The following PLEKHG1 variants were observed in gnomAD, a reference collection of about 807,000 sequenced individuals.
PLEKHG1 encodes pleckstrin homology and RhoGEF domain containing G1.
In PLEKHG1, 44 loss-of-function variants were observed where a neutral mutation model predicts 100.8. The observed-to-expected ratio is 0.44, with a 90% CI of 0.34 to 0.56. PLEKHG1 has a LOEUF of 0.56. Among genes scored for constraint, PLEKHG1 ranks in the 20% least tolerant of loss-of-function variants. The probability of loss-of-function intolerance (pLI) is 0.01; values close to 1 mark genes in which losing one functional copy is unlikely to be tolerated. For synonymous variants in PLEKHG1, 640 were observed against 662.5 expected (o/e 0.97, Z 0.52); for missense variants, 1,545 against 1,720.9 (o/e 0.90, Z 1.81).
At chr6:150,678,331 T>C (rs1779831800) in intron 3 of PLEKHG1, among the ~76,000 whole-genome samples, 1 of 151,948 alleles carries the variant, frequency 6.6e-6, no homozygotes, top group Admixed American at 6.6e-5. Context: ...TTTAAAACTA[T>C]TCCCAATGAA....
intron 2 of PLEKHG1, among the ~76,000 whole-genome samples, chr6:150,761,667 A>C (rs1784169141): frequency 6.6e-6 from 1 of 152,166 alleles, no homozygotes; most frequent in Admixed American, 6.5e-5. Context: ...TAAGAACTTT[A>C]ACATATTAAT....
intron 1 of PLEKHG1, among the ~76,000 whole-genome samples, chr6:150,632,696 G>A (rs1392663468): frequency 6.6e-6 from 1 of 152,250 alleles, no homozygotes; most frequent in Non-Finnish European, 1.5e-5. Context: ...ATTCTTACAT[G>A]GGCAGTCTTG....
At chr6:150,756,197 A>G (rs1783831442) in intron 2 of PLEKHG1, among the ~76,000 whole-genome samples, 1 of 152,148 alleles carries the variant, frequency 6.6e-6, no homozygotes, top group Non-Finnish European at 1.5e-5. Flanking sequence ...TCTTTGAGAA[A>G]GTCAAGTTTC....
At chr6:150,681,225 A>G (rs1303477178) in intron 3 of PLEKHG1, among the ~76,000 whole-genome samples, 1 of 152,164 alleles carries the variant, frequency 6.6e-6, no homozygotes, top group Non-Finnish European at 1.5e-5. Context: ...CACTTGGAGA[A>G]AAGAAAGGAT....
chr6:150,669,741 C>T (rs1317616038), intron 3 of PLEKHG1, among the ~76,000 whole-genome samples: 2 of 151,782 alleles, frequency 1.3e-5, no homozygotes, highest in Admixed American at 6.6e-5. Context: ...GGATTACAGG[C>T]GCCTGCCACC....
At chr6:150,613,215 C>T (rs760494850) in intron 1 of PLEKHG1, among the ~76,000 whole-genome samples, 1 of 152,204 alleles carries the variant, frequency 6.6e-6, no homozygotes, top group African/African-American at 2.4e-5. Flanking sequence ...CTTGCTGTCT[C>T]ACTTCTTTCA....
At chr6:150,782,308 C>G (rs191990122) in intron 3 of PLEKHG1, among the ~76,000 whole-genome samples, 13 of 152,122 alleles carry the variant, frequency 8.5e-5, no homozygotes, top group Non-Finnish European at 1.6e-4. Context: ...GTAGGAGAAT[C>G]GCTTGAACCC....
intron 3 of PLEKHG1, among the ~76,000 whole-genome samples, chr6:150,712,785 C>G (rs1781286157): frequency 6.6e-6 from 1 of 152,164 alleles, no homozygotes; most frequent in African/African-American, 2.4e-5. Context: ...AAAGATGAGT[C>G]CGACTGGGCT....
exon 2 of PLEKHG1, chr6:150,733,735 G>C (rs914817517): frequency 1.9e-6 from 3 of 1,613,944 alleles, no homozygotes; most frequent in Non-Finnish European, 1.7e-6. Context: ...CATCATCCTC[G>C]GCCTCTTCCC....
intron 3 of PLEKHG1, among the ~76,000 whole-genome samples, chr6:150,712,187 G>C (rs1279408074): frequency 6.6e-6 from 1 of 152,180 alleles, no homozygotes; most frequent in Admixed American, 6.5e-5. Flanking sequence ...GCGCAAGAAA[G>C]GCTGGAACCA....
intron 2 of PLEKHG1, among the ~76,000 whole-genome samples, chr6:150,649,882 T>G (rs574486164): frequency 1.4e-4 from 21 of 152,150 alleles, no homozygotes; most frequent in African/African-American, 4.1e-4. Flanking sequence ...CGTGGCGGCG[T>G]GTGCCTGTAG....
At chr6:150,759,196 G>A (rs887389331) in intron 2 of PLEKHG1, among the ~76,000 whole-genome samples, 7 of 152,222 alleles carry the variant, frequency 4.6e-5, no homozygotes, top group African/African-American at 1.4e-4. Flanking sequence ...CTTGAACGTG[G>A]CAGATGGTTG....
At chr6:150,737,380 T>C (rs939617749) in intron 2 of PLEKHG1, among the ~76,000 whole-genome samples, 1 of 150,612 alleles carries the variant, frequency 6.6e-6, no homozygotes, top group African/African-American at 2.5e-5. Context: ...CAAGCTCCGC[T>C]TCCCGGGTTC....
intron 3 of PLEKHG1, among the ~76,000 whole-genome samples, chr6:150,698,907 G>A (rs1008679888): frequency 1.3e-5 from 2 of 152,216 alleles, no homozygotes; most frequent in Non-Finnish European, 2.9e-5. Context: ...GTTTAAGGGA[G>A]TTCTATTAAT....
At position 150,683,784 on chromosome 6, in the gene PLEKHG1, C is replaced by T. The variant is rs540516673; in HGVS notation, c.-99+32998C>T. ...AAAGATGGAGCCATTCTTGGTGGGG[C>T]GGAAGAGGCAGGAAACTGCTGCCTG... On this transcript the variant is annotated intron_variant, in intron 3 of 3. Transcript: ENST00000367326. The surrounding 1 kb of genome is among the most constrained non-coding windows in gnomAD (Gnocchi z 4.0). 5 of 1,287,860 alleles carry T rather than the reference C, an allele frequency of 3.9e-6. No individual in the cohort carries two copies. In the African/African-American group the frequency reaches 6.1e-5, roughly 16 times the overall value. 79.8% of individuals were successfully genotyped at this position (1,287,860 alleles called of 1,614,324 possible). A position where few individuals can be genotyped will look rare whatever the true frequency, so the allele number is the denominator to read the frequency against.
intron 3 of PLEKHG1, among the ~76,000 whole-genome samples, chr6:150,677,314 A>G (rs550467247): frequency 2.4e-4 from 35 of 147,454 alleles, no homozygotes; most frequent in Non-Finnish European, 3.5e-4. Flanking sequence ...GCGCGCGCGC[A>G]CACACACCAC....
At chr6:150,798,297 G>A (rs1786479161) in intron 5 of PLEKHG1, among the ~76,000 whole-genome samples, 1 of 152,146 alleles carries the variant, frequency 6.6e-6, no homozygotes, top group Non-Finnish European at 1.5e-5. Flanking sequence ...ATCCAATTAT[G>A]AGAATCTAAA....
chr6:150,830,650 G>A (rs753276161), exon 15 of PLEKHG1: 6 of 1,613,820 alleles, frequency 3.7e-6, no homozygotes, highest in Middle Eastern at 3.3e-4. Flanking sequence ...GAAATAGTCA[G>A]CCTAGCAGTT....
intron 10 of PLEKHG1, among the ~76,000 whole-genome samples, chr6:150,814,209 C>A (rs1787723350): frequency 6.6e-6 from 1 of 152,168 alleles, no homozygotes; most frequent in South Asian, 2.1e-4. Context: ...TTAGAATGCC[C>A]TTCTGAGCAA....
Sources: gnomAD v4.1 joint callset for allele counts (sites outside exome capture counted in the v4.1 genomes callset) on GRCh38, gnomAD v4.1.1 for gene constraint, Gnocchi (gnomAD v3.1) non-coding constraint, MANE v1.5 for transcripts, NCBI Gene and HGNC (gene_info 2026-07-23, HGNC 2026-07-21) for gene names.